The following PALM2AKAP2 variants were observed in gnomAD, a reference collection of about 807,000 sequenced individuals.
PALM2AKAP2 encodes PALM2-AKAP2 fusion protein.
PALM2AKAP2 carries 37 observed loss-of-function variants against 71.5 expected under a neutral mutation model. The observed-to-expected ratio is 0.52, with a 90% CI of 0.40 to 0.68. The LOEUF (loss-of-function observed/expected upper bound fraction) is 0.68, where lower values mean the gene tolerates loss of function less well. PALM2AKAP2 is among the 30% of genes least tolerant of loss of function. The pLI, the probability that PALM2AKAP2 is intolerant of heterozygous loss-of-function variation, is 0.00. For missense variants in PALM2AKAP2, 1,224 were observed against 1,191.8 expected (o/e 1.03, Z -0.40); for synonymous variants, 468 against 478.8 (o/e 0.98, Z 0.29).
chr9:109,816,564 G>T (rs1057362781), intron 1 of PALM2AKAP2, among the ~76,000 whole-genome samples: 7 of 152,192 alleles, frequency 4.6e-5, no homozygotes, highest in African/African-American at 1.7e-4. Context: ...AGTGCAGATC[G>T]TTGAGGAGAG....
At chr9:109,965,885 C>A (rs1486975121) in intron 6 of PALM2AKAP2, among the ~76,000 whole-genome samples, 72 of 152,210 alleles carry the variant, frequency 4.7e-4, no homozygotes, top group Admixed American at 1.4e-3. Flanking sequence ...TAAAAGTAGT[C>A]AACGAAGGAT....
chr9:110,119,662 A>G (rs948682942), intron 1 of PALM2AKAP2, among the ~76,000 whole-genome samples: 1 of 152,180 alleles, frequency 6.6e-6, no homozygotes, highest in African/African-American at 2.4e-5. Flanking sequence ...TTTCTTTTTT[A>G]TAAATGGGAT....
At chr9:109,968,922 T>A (rs1335770105) in intron 6 of PALM2AKAP2, among the ~76,000 whole-genome samples, 1 of 152,060 alleles carries the variant, frequency 6.6e-6, no homozygotes, top group Admixed American at 6.5e-5. Context: ...CCAGTTCCTC[T>A]CCGGGCTATA....
chr9:109,800,301 T>C (rs1381994678), intron 1 of PALM2AKAP2, among the ~76,000 whole-genome samples: 1 of 152,246 alleles, frequency 6.6e-6, no homozygotes, highest in Non-Finnish European at 1.5e-5. Context: ...TATATACTAC[T>C]GTTATGGTAA....
chr9:109,864,534 C>T (rs769788549), intron 1 of PALM2AKAP2, among the ~76,000 whole-genome samples: 2 of 152,184 alleles, frequency 1.3e-5, no homozygotes, highest in African/African-American at 2.4e-5. Flanking sequence ...GGAACATCCT[C>T]CTAAGGCACT....
intron 1 of PALM2AKAP2, among the ~76,000 whole-genome samples, chr9:109,859,912 C>T (rs1192408770): frequency 6.6e-6 from 1 of 152,256 alleles, no homozygotes; most frequent in East Asian, 1.9e-4. Flanking sequence ...ACTTAGCTTT[C>T]AGCTACTTAT....
chr9:109,999,173 T>C (rs1178099390), intron 6 of PALM2AKAP2, among the ~76,000 whole-genome samples: 2 of 151,976 alleles, frequency 1.3e-5, no homozygotes, highest in African/African-American at 4.8e-5. Context: ...ATCCCGTCTC[T>C]ACTAAAAATA....
chr9:109,757,895 C>G (rs4644330), intron 1 of PALM2AKAP2, among the ~76,000 whole-genome samples: 122,955 of 151,928 alleles, frequency 0.81, 49,812 homozygotes, highest in Middle Eastern at 0.9. Context: ...TTCATTTTTT[C>G]TTTACTTTCA....
At chr9:110,171,563 T>C (rs1218674042) in exon 4 of PALM2AKAP2, 2 of 152,240 alleles carry the variant, frequency 1.3e-5, no homozygotes, top group Non-Finnish European at 2.9e-5. Context: ...TCAAGAAACC[T>C]TGGGCCACCG....
intron 6 of PALM2AKAP2, among the ~76,000 whole-genome samples, chr9:110,006,342 C>T (rs1313727975): frequency 1.5e-5 from 2 of 129,436 alleles, no homozygotes; most frequent in Admixed American, 1.7e-4. Context: ...TTCTTTCTTT[C>T]TTTCTTTCTT....
At chr9:110,046,346 T>C (rs1192594273), upstream of PALM2AKAP2, among the ~76,000 whole-genome samples, 1 of 152,174 alleles carries the variant, frequency 6.6e-6, no homozygotes, top group Non-Finnish European at 1.5e-5. Flanking sequence ...TTTTCCTAAA[T>C]TAATATTCCT....
At chr9:110,165,167 T>A (rs148878396) in intron 3 of PALM2AKAP2, among the ~76,000 whole-genome samples, 1 of 152,210 alleles carries the variant, frequency 6.6e-6, no homozygotes, top group African/African-American at 2.4e-5. Flanking sequence ...AGTATGACAT[T>A]ATTAGAGCCC....
At chr9:110,016,428 G>A (rs1192812010) in intron 7 of PALM2AKAP2, among the ~76,000 whole-genome samples, 3 of 152,174 alleles carry the variant, frequency 2.0e-5, no homozygotes, top group Non-Finnish European at 2.9e-5. Flanking sequence ...GAGAATTCAG[G>A]CCCCACTGTG....
chr9:109,970,587 G>C (rs1399944309), intron 6 of PALM2AKAP2, among the ~76,000 whole-genome samples: 1 of 152,220 alleles, frequency 6.6e-6, no homozygotes, highest in Non-Finnish European at 1.5e-5. Flanking sequence ...AAGAATTACA[G>C]TGTAGGACTA....
chr9:109,649,300 T>G (rs1440113248), intron 1 of PALM2AKAP2, among the ~76,000 whole-genome samples: 1 of 152,180 alleles, frequency 6.6e-6, no homozygotes, highest in African/African-American at 2.4e-5. Flanking sequence ...TATTACCCAT[T>G]GCTCTCCATA....
chr9:109,693,331 A>G (rs1002862238), intron 1 of PALM2AKAP2, among the ~76,000 whole-genome samples: 1 of 151,902 alleles, frequency 6.6e-6, no homozygotes, highest in African/African-American at 2.4e-5. Flanking sequence ...TTCACTGCTA[A>G]TATTGGTAAT....
intron 1 of PALM2AKAP2, among the ~76,000 whole-genome samples, chr9:109,689,372 G>A (rs1399228730): frequency 6.6e-6 from 1 of 151,700 alleles, no homozygotes; most frequent in Non-Finnish European, 1.5e-5. Flanking sequence ...GCTAATTTTT[G>A]TATTTCTGGT....
chr9:110,104,225 G>A (rs950680980), intron 1 of PALM2AKAP2, among the ~76,000 whole-genome samples: 10 of 152,084 alleles, frequency 6.6e-5, no homozygotes, highest in African/African-American at 2.4e-4. Context: ...GTTCAATCTG[G>A]TCGCAAACTG....
exon 1 of PALM2AKAP2, chr9:109,640,796 G>C (rs1329481383): frequency 7.4e-6 from 11 of 1,494,338 alleles, no homozygotes; most frequent in Non-Finnish European, 8.0e-6. Flanking sequence ...CAGTGCACTC[G>C]GCTCCGGGAG....
Sources: gnomAD v4.1 joint callset for allele counts (sites outside exome capture counted in the v4.1 genomes callset) on GRCh38, gnomAD v4.1.1 for gene constraint, MANE v1.5 for transcripts, NCBI Gene and HGNC (gene_info 2026-07-23, HGNC 2026-07-21) for gene names.